Variants in GABPB1 observed in about 807,000 individuals in gnomAD.
GABPB1 encodes GA-binding protein subunit beta-1.
In GABPB1, 15 loss-of-function variants were observed where a neutral mutation model predicts 45.9. The observed-to-expected ratio is 0.33, with a 90% confidence interval of 0.22 to 0.50. The LOEUF is 0.50. Ranked by LOEUF, GABPB1 falls within the 20% of genes least tolerant of loss-of-function variation. GABPB1 has a pLI of 0.98. For missense variants in GABPB1, 252 were observed against 457.5 expected (o/e 0.55, Z 4.10); for synonymous variants, 143 against 154.4 (o/e 0.93, Z 0.55).
Position 50,311,872 on chromosome 15 carries a change from T to C in GABPB1, c.1-2074A>G, listed in dbSNP as rs142793427. On this transcript the variant is annotated intron_variant, in intron 1 of 8. Transcript: ENST00000380877. The stretch of plus-strand genomic sequence containing the variant: ...ATGAAAATAAACAGAATTATGCCTA[T>C]AATTTTTAGTAGATTAGCTACGATG... Among the ~76,000 whole-genome samples the C allele has an allele frequency of 3.3e-5, 5 of 152,304 alleles. No homozygotes were observed. In the East Asian group the frequency reaches 7.7e-4, roughly 23 times the overall value.
chr15:50,354,716 C>T (rs2049024945), intron 1 of GABPB1: 2 of 316,854 alleles, frequency 6.3e-6, no homozygotes, highest in South Asian at 2.3e-5. Flanking sequence ...GAGGAGGGGG[C>T]GGCGGCCGCC....
chr15:50,295,693 G>A (rs538368325), intron 6 of GABPB1, among the ~76,000 whole-genome samples: 1 of 150,718 alleles, frequency 6.6e-6, no homozygotes, highest in South Asian at 2.1e-4. Flanking sequence ...CACACAAAAT[G>A]GTATGAGTTG....
At chr15:50,336,283 G>C (rs576337698) in intron 1 of GABPB1, among the ~76,000 whole-genome samples, 1 of 151,076 alleles carries the variant, frequency 6.6e-6, no homozygotes, top group East Asian at 1.9e-4. Context: ...GAACCCAGGA[G>C]GCAGAGGTTG....
rs1331814703 is a variant in GABPB1, at chr15:50,309,696, C to T, written c.103G>A (p.Asp35Asn). ...LMANGAPFTT[D>N]WLGTSPLHLA... ...ATATTAAAATCATTCTTTACCCAGT[C>T]TGTAGTAAAGGGAGCTCCATTTGCC... Residue 35 changes from aspartate (D) to asparagine (N), a missense_variant, in exon 2 of 9, where the codon GAC becomes AAC. Physicochemically the swap from Asp to Asn is conservative, Grantham distance 23. Transcript: ENST00000380877. 6.5e-7 allele frequency: 1 copy of T among 1,543,272 alleles called. No homozygotes were observed. Among genetic ancestry groups the T allele is most frequent in the African/African-American group, 1.4e-5 (1 of 73,448 alleles).
chr15:50,279,505 G>A (rs1388818999), intron 8 of GABPB1, among the ~76,000 whole-genome samples: 3 of 152,114 alleles, frequency 2.0e-5, no homozygotes, highest in Non-Finnish European at 4.4e-5. Flanking sequence ...TAAAATATAT[G>A]CATTAAATTC....
chr15:50,341,007 GGT>G (rs2048356952), intron 1 of GABPB1, among the ~76,000 whole-genome samples: 1 of 116,728 alleles, frequency 8.6e-6, no homozygotes, highest in African/African-American at 3.5e-5. Context: ...TATTACATAT[GGT>G]TTATTACATA....
intron 1 of GABPB1, chr15:50,351,079 C>G (rs1022225532): frequency 6.6e-6 from 1 of 152,224 alleles, no homozygotes; most frequent in Non-Finnish European, 1.5e-5. Context: ...AGGTCCGTTC[C>G]TACCCTACTT....
chr15:50,288,912 A>G (rs956910707), intron 7 of GABPB1, among the ~76,000 whole-genome samples: 5 of 151,784 alleles, frequency 3.3e-5, no homozygotes, highest in African/African-American at 9.7e-5. Flanking sequence ...TGCAGCTTCA[A>G]CCTCCTGGGC....
At chr15:50,286,704 T>C (rs2046168577) in intron 7 of GABPB1, among the ~76,000 whole-genome samples, 1 of 152,186 alleles carries the variant, frequency 6.6e-6, no homozygotes, top group Non-Finnish European at 1.5e-5. Context: ...AGCTGCATAA[T>C]ATCCACTAAG....
chr15:50,282,432 C>T (rs1400645396), intron 8 of GABPB1: 3 of 355,102 alleles, frequency 8.4e-6, no homozygotes, highest in East Asian at 9.2e-5. Flanking sequence ...CCGGGTATAG[C>T]GGTCCCAGCT....
chr15:50,297,447 C>T (rs2046562347), intron 6 of GABPB1, among the ~76,000 whole-genome samples: 1 of 152,176 alleles, frequency 6.6e-6, no homozygotes, highest in Admixed American at 6.5e-5. Context: ...AACTCCTGAC[C>T]TCGTAACCTG....
chr15:50,285,803 G>T, intron 8 of GABPB1: 1 of 1,256,412 alleles, frequency 8.0e-7, no homozygotes. Flanking sequence ...AAACATAAAG[G>T]ATGAAGTGGA....
intron 1 of GABPB1, among the ~76,000 whole-genome samples, chr15:50,335,519 A>T (rs1468813319): frequency 1.3e-5 from 2 of 152,336 alleles, no homozygotes; most frequent in African/African-American, 4.8e-5. Context: ...ATTTGGCTTA[A>T]CAGATTCCCT....
chr15:50,330,678 AT>A (rs1345391442), intron 1 of GABPB1, among the ~76,000 whole-genome samples: 2 of 152,332 alleles, frequency 1.3e-5, no homozygotes, highest in Admixed American at 6.5e-5. Context: ...CTATACTTCA[AT>A]CAAAGCCCAT....
intron 1 of GABPB1, among the ~76,000 whole-genome samples, chr15:50,348,604 C>G (rs1396653376): frequency 2.0e-5 from 3 of 151,388 alleles, no homozygotes; most frequent in East Asian, 4.0e-4. Flanking sequence ...TGGCTCACAC[C>G]TGTAATTGCT....
chr15:50,295,752 T>C lies in GABPB1; in HGVS notation c.697+5037A>G, dbSNP rs1052917584. ...TCTTACCCATTCTTTAGGGCACAAC[T>C]CAACACATTCCCCTCCACCACACCC... On this transcript the variant is annotated intron_variant, in intron 6 of 8. Transcript: ENST00000380877. 3.9e-5 allele frequency among the ~76,000 whole-genome samples: 6 copies of C among 152,086 alleles called. No individual in the cohort carries two copies. In the South Asian group the frequency reaches 6.2e-4, roughly 16 times the overall value.
At chr15:50,336,480 G>A (rs988841633) in intron 1 of GABPB1, among the ~76,000 whole-genome samples, 1 of 151,484 alleles carries the variant, frequency 6.6e-6, no homozygotes, top group Non-Finnish European at 1.5e-5. Context: ...GATTGCTTAA[G>A]CCCAGGAGCT....
chr15:50,317,686 G>C (rs1308712652), intron 1 of GABPB1, among the ~76,000 whole-genome samples: 1 of 152,074 alleles, frequency 6.6e-6, no homozygotes, highest in African/African-American at 2.4e-5. Flanking sequence ...GAGGCGGGTG[G>C]ATCACGAGGT....
At chr15:50,347,013 C>T (rs2048614157) in intron 1 of GABPB1, among the ~76,000 whole-genome samples, 2 of 152,020 alleles carry the variant, frequency 1.3e-5, no homozygotes, top group Non-Finnish European at 2.9e-5. Flanking sequence ...TGGTCTTGTA[C>T]TCCTGACCTC....
Sources: allele counts gnomAD v4.1 joint callset (sites outside exome capture counted in the v4.1 genomes callset), GRCh38; gene constraint gnomAD v4.1.1; transcripts MANE v1.5; gene names NCBI Gene and HGNC (gene_info 2026-07-23, HGNC 2026-07-21).